PIP5K1B: variants seen among roughly 807,000 people sequenced by gnomAD.
PIP5K1B encodes phosphatidylinositol-4-phosphate 5-kinase type 1 beta, also known as phosphatidylinositol 4-phosphate 5-kinase type-1 beta.
Under a neutral mutation model 67.0 loss-of-function variants are expected in PIP5K1B, and 42 were observed. The observed-to-expected ratio is 0.63, with a 90% CI of 0.49 to 0.81. PIP5K1B has a LOEUF of 0.81. Among genes scored for constraint, PIP5K1B ranks in the 30% least tolerant of loss-of-function variants. PIP5K1B has a pLI of 0.00. For missense variants in PIP5K1B, 459 were observed against 646.3 expected (o/e 0.71, Z 3.14); for synonymous variants, 214 against 231.4 (o/e 0.92, Z 0.68).
intron 14 of PIP5K1B, among the ~76,000 whole-genome samples, chr9:68,973,892 A>G (rs7041221): frequency 0.97 from 147,824 of 152,226 alleles, 71,904 homozygotes; most frequent in East Asian, 1. Flanking sequence ...TTTTCGGGGT[A>G]GGGGAGACAG....
chr9:68,898,564 C>T (rs575013383), intron 8 of PIP5K1B, among the ~76,000 whole-genome samples: 39 of 152,284 alleles, frequency 2.6e-4, no homozygotes, highest in East Asian at 7.7e-4. Context: ...AGCTGAGATG[C>T]GTGTCCTATT....
chr9:68,853,164 T>C (rs1822579782), intron 4 of PIP5K1B, among the ~76,000 whole-genome samples: 1 of 152,188 alleles, frequency 6.6e-6, no homozygotes, highest in Admixed American at 6.5e-5. Flanking sequence ...AATCCATTGA[T>C]GCAGCTGGCC....
intron 15 of PIP5K1B, among the ~76,000 whole-genome samples, chr9:69,004,526 C>G (rs1004638825): frequency 3.3e-5 from 5 of 152,158 alleles, no homozygotes; most frequent in African/African-American, 1.2e-4. Flanking sequence ...GGTCTCTGAT[C>G]CCTGAGCGGT....
intron 14 of PIP5K1B, among the ~76,000 whole-genome samples, chr9:68,962,840 GA>G (rs1828822808): frequency 1.3e-5 from 2 of 152,100 alleles, no homozygotes; most frequent in Non-Finnish European, 2.9e-5. Flanking sequence ...CATATATATT[GA>G]CAACTTCAAG....
chr9:68,880,411 T>C (rs892170114), intron 6 of PIP5K1B, among the ~76,000 whole-genome samples: 4 of 151,976 alleles, frequency 2.6e-5, no homozygotes, highest in African/African-American at 9.7e-5. Context: ...AAACGTTAGC[T>C]GGGCACGGTG....
At chr9:68,821,529 T>A (rs911626413) in intron 3 of PIP5K1B, among the ~76,000 whole-genome samples, 3 of 152,218 alleles carry the variant, frequency 2.0e-5, no homozygotes, top group African/African-American at 4.8e-5. Flanking sequence ...GGAGATGATT[T>A]CTTTTACCTG....
intron 5 of PIP5K1B, among the ~76,000 whole-genome samples, chr9:68,865,403 T>C (rs1211766434): frequency 6.6e-6 from 1 of 152,166 alleles, no homozygotes; most frequent in Admixed American, 6.5e-5. Context: ...CTCATAATGC[T>C]TGTAAGTGTG....
chr9:68,749,748 C>T (rs148942558), intron 2 of PIP5K1B, among the ~76,000 whole-genome samples: 31 of 152,264 alleles, frequency 2.0e-4, no homozygotes, highest in African/African-American at 5.8e-4. Flanking sequence ...TGTTGTGGGG[C>T]GGTCCTCTGC....
chr9:68,718,568 AG>A (rs1827736850), intron 1 of PIP5K1B, among the ~76,000 whole-genome samples: 1 of 152,246 alleles, frequency 6.6e-6, no homozygotes, highest in African/African-American at 2.4e-5. Context: ...ACCTTTGGGC[AG>A]GCTGTTTTAC....
chr9:68,882,502 A>G (rs1160817523), intron 6 of PIP5K1B, among the ~76,000 whole-genome samples: 4 of 152,224 alleles, frequency 2.6e-5, no homozygotes, highest in Non-Finnish European at 1.5e-5. Context: ...TAGTCTTCAT[A>G]TTATGTCACT....
At chr9:68,762,057 G>C (rs1033611019) in intron 2 of PIP5K1B, among the ~76,000 whole-genome samples, 7 of 152,016 alleles carry the variant, frequency 4.6e-5, no homozygotes, top group African/African-American at 1.7e-4. Flanking sequence ...GAAAAAATTA[G>C]GGCTAAGTAA....
intron 1 of PIP5K1B, among the ~76,000 whole-genome samples, chr9:68,726,435 A>G (rs1455617693): frequency 6.6e-6 from 1 of 152,184 alleles, no homozygotes; most frequent in Non-Finnish European, 1.5e-5. Context: ...ATGACATTGG[A>G]TTTATAATAA....
chr9:68,983,876 C>T (rs1418305720), intron 14 of PIP5K1B, among the ~76,000 whole-genome samples: 1 of 152,050 alleles, frequency 6.6e-6, no homozygotes, highest in African/African-American at 2.4e-5. Flanking sequence ...TATAGGGAGA[C>T]CTCATCTCTA....
intron 14 of PIP5K1B, among the ~76,000 whole-genome samples, chr9:68,974,440 A>AT (rs375455927): frequency 4.7e-4 from 72 of 152,334 alleles, no homozygotes; most frequent in African/African-American, 1.7e-3. Flanking sequence ...CCTAGCCTTG[A>AT]TCCTTAACTT....
At chr9:68,715,545 C>G (rs1326512733) in intron 1 of PIP5K1B, among the ~76,000 whole-genome samples, 2 of 152,244 alleles carry the variant, frequency 1.3e-5, no homozygotes, top group East Asian at 3.9e-4. Flanking sequence ...GCCACCCATC[C>G]CCAGTCTAGG....
chr9:68,844,587 G>A (rs906208780), intron 4 of PIP5K1B, among the ~76,000 whole-genome samples: 1 of 150,238 alleles, frequency 6.7e-6, no homozygotes, highest in Non-Finnish European at 1.5e-5. Flanking sequence ...TCCAATGGGG[G>A]AGATCCAGTG....
intron 6 of PIP5K1B, among the ~76,000 whole-genome samples, chr9:68,887,665 G>A (rs1824546647): frequency 6.6e-6 from 1 of 152,184 alleles, no homozygotes; most frequent in South Asian, 2.1e-4. Flanking sequence ...GGATGAGAGT[G>A]GACAATTAAG....
At chr9:68,775,961 T>C (rs987226215) in intron 2 of PIP5K1B, among the ~76,000 whole-genome samples, 4 of 152,218 alleles carry the variant, frequency 2.6e-5, no homozygotes, top group Non-Finnish European at 4.4e-5. Flanking sequence ...GCATGTCTTT[T>C]AGTAGACAGA....
chr9:68,962,247 A>C (rs1352954375), intron 14 of PIP5K1B, among the ~76,000 whole-genome samples: 2 of 147,464 alleles, frequency 1.4e-5, no homozygotes, highest in East Asian at 4.2e-4. Context: ...TGTACACAGA[A>C]TACTCCTGTT....
Sources: allele counts gnomAD v4.1 joint callset (sites outside exome capture counted in the v4.1 genomes callset), GRCh38; gene constraint gnomAD v4.1.1; transcripts MANE v1.5; gene names NCBI Gene and HGNC (gene_info 2026-07-23, HGNC 2026-07-21).